CECR2: variants seen among roughly 807,000 people sequenced by gnomAD.
The protein encoded by CECR2 is chromatin remodeling regulator CECR2.
Under a neutral mutation model 154.5 loss-of-function variants are expected in CECR2, and 30 were observed. The observed-to-expected ratio is 0.19, with a 90% CI of 0.15 to 0.26. The LOEUF (loss-of-function observed/expected upper bound fraction) is 0.26. Among genes scored for constraint, CECR2 ranks in the 10% least tolerant of loss-of-function variants. CECR2 has a pLI of 1.00. For synonymous variants in CECR2, 725 were observed against 683.7 expected (o/e 1.06, Z -0.94); for missense variants, 1,743 against 1,829.3 (o/e 0.95, Z 0.86).
At chr22:17,449,106 T>C (rs1359371455) in intron 1 of CECR2, among the ~76,000 whole-genome samples, 1 of 152,116 alleles carries the variant, frequency 6.6e-6, no homozygotes, top group Non-Finnish European at 1.5e-5. Flanking sequence ...CCTGAACTAC[T>C]GACCTCAAGG....
chr22:17,405,222 C>T (rs538881110), intron 1 of CECR2, among the ~76,000 whole-genome samples: 1 of 151,976 alleles, frequency 6.6e-6, no homozygotes, highest in East Asian at 1.9e-4. Flanking sequence ...CCAGCCTGGC[C>T]AACATAGTGA....
At chr22:17,510,343 A>T (rs1348987491) in intron 7 of CECR2, among the ~76,000 whole-genome samples, 3 of 152,124 alleles carry the variant, frequency 2.0e-5, no homozygotes, top group Non-Finnish European at 4.4e-5. Flanking sequence ...CTTATAAAAT[A>T]ATCGCTATCT....
In CECR2 at chr22:17,548,447, G is replaced by A. The variant is rs200483181; in HGVS notation, c.3160G>A (p.Glu1054Lys). 7.3e-5 allele frequency: 118 copies of A among 1,614,032 alleles called. No homozygotes were observed. The highest frequency in any genetic ancestry group is 4.4e-5 in the South Asian group (4 of 91,080). The change falls in exon 17 of 19, where the codon GAG (glutamate) becomes AAG (lysine). Residue 1054 changes from glutamate to lysine, a missense_variant. Transcript: ENST00000262608. ...GGTGGCAGACAGGGGCGCTCTATCCGAGAACGGAGTCATTGGGGAAGCATC... is the reference window on the plus strand; with the variant it reads ...GGTGGCAGACAGGGGCGCTCTATCCAAGAACGGAGTCATTGGGGAAGCATC... ...STVADRGALS[E>K]NGVIGEASPC...
At chr22:17,536,407 G>T (rs763579150) in intron 9 of CECR2, among the ~76,000 whole-genome samples, 10 of 152,144 alleles carry the variant, frequency 6.6e-5, no homozygotes, top group East Asian at 1.9e-4. Flanking sequence ...GCCCCATCAG[G>T]CTGGGAATGG....
At chr22:17,387,152 A>C (rs1267876928) in intron 1 of CECR2, among the ~76,000 whole-genome samples, 1 of 152,184 alleles carries the variant, frequency 6.6e-6, no homozygotes, top group Non-Finnish European at 1.5e-5. Context: ...GTTATGTTTA[A>C]TAACAGGTTC....
intron 1 of CECR2, among the ~76,000 whole-genome samples, chr22:17,462,019 C>T (rs1315882829): frequency 6.6e-6 from 1 of 151,920 alleles, no homozygotes; most frequent in Admixed American, 6.5e-5. Context: ...TCTCGAACTC[C>T]TGACCTCGTG....
In CECR2 at chr22:17,461,990, A is replaced by G. The variant is rs1465533526; in HGVS notation, c.127-15598A>G. Among the ~76,000 whole-genome samples, 5 of 151,740 alleles carry G rather than the reference A, an allele frequency of 3.3e-5. No homozygotes were observed. The East Asian group carries it at 9.9e-4, about 30-fold the overall frequency. Reference sequence around the variant, plus strand: ...TTATTTTTAGTAGAGACAGGGTTTCACCATGTTGGTCAGGCTGATCTCGAA... The same window carrying G: ...TTATTTTTAGTAGAGACAGGGTTTCGCCATGTTGGTCAGGCTGATCTCGAA... On this transcript the variant is annotated intron_variant, in intron 1 of 18. Transcript: ENST00000262608.
At chr22:17,377,079 A>G (rs1190166183) in intron 1 of CECR2, among the ~76,000 whole-genome samples, 1 of 152,178 alleles carries the variant, frequency 6.6e-6, no homozygotes, top group Non-Finnish European at 1.5e-5. Context: ...CTATGTCTAA[A>G]GTTCTGTGAT....
At chr22:17,486,744 A>C (rs2055427809) in intron 2 of CECR2, among the ~76,000 whole-genome samples, 1 of 152,260 alleles carries the variant, frequency 6.6e-6, no homozygotes, top group African/African-American at 2.4e-5. Flanking sequence ...AAAACTTACG[A>C]AGAAGATCAA....
At chr22:17,434,080 A>G (rs2054466496) in intron 1 of CECR2, among the ~76,000 whole-genome samples, 1 of 151,982 alleles carries the variant, frequency 6.6e-6, no homozygotes, top group South Asian at 2.1e-4. Context: ...AAAGTAAGGC[A>G]CAGAGTGAAA....
chr22:17,394,278 A>G (rs1396010941), intron 1 of CECR2, among the ~76,000 whole-genome samples: 1 of 135,764 alleles, frequency 7.4e-6, no homozygotes, highest in Admixed American at 8.6e-5. Context: ...ACCATAGCTC[A>G]CTGCAGCCTT....
chr22:17,461,954 G>A (rs975532607), intron 1 of CECR2, among the ~76,000 whole-genome samples: 2 of 151,760 alleles, frequency 1.3e-5, no homozygotes, highest in Non-Finnish European at 2.9e-5. Context: ...CACCAAACCC[G>A]GCTAATTTTT....
rs200014459 is a variant in CECR2, at chr22:17,511,872, G to A, written c.930G>A (p.Leu310=). 3 of 1,611,672 alleles carry A rather than the reference G, an allele frequency of 1.9e-6. No homozygotes were observed. The highest frequency in any genetic ancestry group is 1.7e-5 in the Admixed American group (1 of 59,966). Residue 310 remains leucine (L), a synonymous_variant, in exon 8 of 19, where the codon CTG becomes CTA. Coordinates refer to ENST00000262608, the MANE Select transcript of CECR2 (RefSeq NM_001290047.2). Reference sequence around the variant, plus strand: ...ATCCTAGGTGGATGTCTGACCACCTGTCCATCAAACCCGTCAAGCAAGAGG... The same window carrying A: ...ATCCTAGGTGGATGTCTGACCACCTATCCATCAAACCCGTCAAGCAAGAGG... The part of the protein sequence containing the change: ...ELHPRWMSDH[L]SIKPVKQEET...
chr22:17,505,084 C>G lies in CECR2; in HGVS notation c.870+68C>G, dbSNP rs562044873. ...GATGCTGCATTATTTAAGGATTATT[C>G]ATGAGACCTTCCCCATACACCCCAC... is the stretch of plus-strand genomic sequence containing the variant. On this transcript the variant is annotated intron_variant, in intron 7 of 18. Transcript: ENST00000262608. 4.8e-6 allele frequency: 7 copies of G among 1,455,582 alleles called. No homozygotes were observed. In the South Asian group the frequency reaches 8.8e-5, roughly 18 times the overall value. 90.2% of individuals were successfully genotyped at this position (1,455,582 alleles called of 1,614,324 possible). A position where few individuals can be genotyped will look rare whatever the true frequency, so the allele number is the denominator to read the frequency against.
chr22:17,549,268 A>G lies in CECR2; in HGVS notation c.3981A>G (p.Ser1327=). ...YLYGTPPPLS[S]GMGFGSSAFP... ...ATGGAACTCCTCCGCCTCTGAGTTCAGGAATGGGATTTGGTTCATCTGCAT... is the reference window on the plus strand; with the variant it reads ...ATGGAACTCCTCCGCCTCTGAGTTCGGGAATGGGATTTGGTTCATCTGCAT... The change falls in exon 17 of 19, where the codon TCA becomes TCG. Residue 1327 remains serine, a synonymous_variant. Coordinates refer to ENST00000262608, the MANE Select transcript of CECR2 (RefSeq NM_001290047.2). The G allele has an allele frequency of 6.2e-7, 1 of 1,614,012 alleles. No homozygotes were observed. Among genetic ancestry groups the G allele is most frequent in the Non-Finnish European group, 8.5e-7 (1 of 1,179,906 alleles).
At chr22:17,532,211 T>A (rs2056366369) in intron 9 of CECR2, among the ~76,000 whole-genome samples, 2 of 152,150 alleles carry the variant, frequency 1.3e-5, no homozygotes, top group South Asian at 4.1e-4. Flanking sequence ...TGAATTTTTT[T>A]ATTAGTTCCT....
intron 9 of CECR2, among the ~76,000 whole-genome samples, chr22:17,536,028 C>A (rs753957733): frequency 2.0e-5 from 3 of 152,108 alleles, no homozygotes; most frequent in Non-Finnish European, 4.4e-5. Flanking sequence ...GTGGGCAGTT[C>A]ACCTGAGGTC....
intron 1 of CECR2, among the ~76,000 whole-genome samples, chr22:17,372,040 A>T (rs2063067537): frequency 6.6e-6 from 1 of 152,226 alleles, no homozygotes; most frequent in African/African-American, 2.4e-5. Flanking sequence ...AATCAAGGCT[A>T]TTTGATATGA....
intron 2 of CECR2, among the ~76,000 whole-genome samples, chr22:17,485,149 A>G (rs2055398435): frequency 6.6e-6 from 1 of 152,176 alleles, no homozygotes. Context: ...CACTCATTTA[A>G]TCCTTCCGAC....
Sources: allele counts gnomAD v4.1 joint callset (sites outside exome capture counted in the v4.1 genomes callset), GRCh38; gene constraint gnomAD v4.1.1; transcripts MANE v1.5; gene names NCBI Gene and HGNC (gene_info 2026-07-23, HGNC 2026-07-21).